Variants in EXOC4 observed in about 807,000 individuals in gnomAD.
EXOC4 encodes the protein exocyst complex component 4.
EXOC4 carries 71 observed loss-of-function variants against 107.2 expected under a neutral mutation model. That is an observed-to-expected ratio of 0.66 (90% CI 0.55 to 0.81). The LOEUF is 0.81. Ranked by LOEUF, EXOC4 falls within the 30% of genes least tolerant of loss-of-function variation. The pLI, the probability that EXOC4 is intolerant of heterozygous loss-of-function variation, is 0.00. For missense variants in EXOC4, 1,108 were observed against 1,189.6 expected, an observed-to-expected ratio of 0.93 and a Z score of 1.01; for synonymous variants, 456 against 441.2, an observed-to-expected ratio of 1.03 and a Z score of -0.42.
the EXOC4 span, among the ~76,000 whole-genome samples, chr7:134,098,540 T>A: frequency 2.0e-5 from 3 of 151,824 alleles, no homozygotes; most frequent in Non-Finnish European, 2.9e-5. Flanking sequence ...CTGCTCTGCA[T>A]GGGAAAGTTG....
chr7:133,761,227 TGGAAAAA>T (rs1259262591), intron 10 of EXOC4, among the ~76,000 whole-genome samples: 1 of 152,184 alleles, frequency 6.6e-6, no homozygotes, highest in East Asian at 1.9e-4. Context: ...GGAGCATTTT[TGGAAAAA>T]TCCCAACAAG....
At chr7:133,628,426 A>C (rs926384989) in intron 9 of EXOC4, among the ~76,000 whole-genome samples, 1 of 152,174 alleles carries the variant, frequency 6.6e-6, no homozygotes, top group Non-Finnish European at 1.5e-5. Context: ...CTAGTTTCTA[A>C]AGTGGAATAT....
chr7:133,634,097 G>T (rs1386899798), intron 10 of EXOC4, among the ~76,000 whole-genome samples: 1 of 152,110 alleles, frequency 6.6e-6, no homozygotes, highest in Non-Finnish European at 1.5e-5. Flanking sequence ...CGTTATGCTG[G>T]TTTATATATT....
At chr7:133,297,064 A>G (rs899645797) in intron 3 of EXOC4, among the ~76,000 whole-genome samples, 1 of 152,198 alleles carries the variant, frequency 6.6e-6, no homozygotes. Flanking sequence ...GTAGTTGGAA[A>G]CCAAGTATTT....
intron 5 of EXOC4, among the ~76,000 whole-genome samples, chr7:133,354,297 C>G (rs555164008): frequency 1.3e-5 from 2 of 152,074 alleles, no homozygotes; most frequent in South Asian, 4.2e-4. Context: ...CCCGGGTTCT[C>G]TGGGTTTTGA....
At chr7:133,806,016 A>G (rs1202190949) in intron 10 of EXOC4, among the ~76,000 whole-genome samples, 1 of 152,234 alleles carries the variant, frequency 6.6e-6, no homozygotes, top group Non-Finnish European at 1.5e-5. Context: ...GCATTAAACT[A>G]CTTGAACACT....
At chr7:133,478,893 T>A (rs1328934840) in intron 8 of EXOC4, 1 of 152,224 alleles carries the variant, frequency 6.6e-6, no homozygotes, top group Non-Finnish European at 1.5e-5. Flanking sequence ...TTGCCTTCTT[T>A]CTGGCTGTTA....
intron 9 of EXOC4, among the ~76,000 whole-genome samples, chr7:133,626,773 C>A (rs969324870): frequency 6.6e-6 from 1 of 152,030 alleles, no homozygotes; most frequent in East Asian, 1.9e-4. Flanking sequence ...GTGACTCTGA[C>A]GTTTTATTTT....
chr7:133,522,408 TTTAA>T (rs746103684), intron 9 of EXOC4, among the ~76,000 whole-genome samples: 13 of 152,154 alleles, frequency 8.5e-5, no homozygotes, highest in Non-Finnish European at 1.8e-4. Flanking sequence ...CAAATGCTCC[TTTAA>T]TTTATTTTAC....
At chr7:133,495,221 C>T (rs1363510251) in intron 9 of EXOC4, among the ~76,000 whole-genome samples, 1 of 151,782 alleles carries the variant, frequency 6.6e-6, no homozygotes, top group Non-Finnish European at 1.5e-5. Context: ...CATTGCACTC[C>T]AGCCTGGGTG....
intron 6 of EXOC4, among the ~76,000 whole-genome samples, chr7:133,357,289 T>G (rs1796044547): frequency 6.6e-6 from 1 of 152,190 alleles, no homozygotes; most frequent in Non-Finnish European, 1.5e-5. Flanking sequence ...ATCCACATAT[T>G]GCAGTTAGGA....
At chr7:133,529,879 AG>A (rs1448254896) in intron 9 of EXOC4, among the ~76,000 whole-genome samples, 1 of 152,168 alleles carries the variant, frequency 6.6e-6, no homozygotes, top group Non-Finnish European at 1.5e-5. Context: ...AGGGATGTTC[AG>A]GAATAGCAAC....
At chr7:133,887,998 C>G (rs1563044244) in intron 11 of EXOC4, among the ~76,000 whole-genome samples, 2 of 152,110 alleles carry the variant, frequency 1.3e-5, no homozygotes, top group East Asian at 3.9e-4. Flanking sequence ...AGTTGAACTT[C>G]TGGGGATTCT....
chr7:133,310,616 A>G (rs995885505), intron 4 of EXOC4, among the ~76,000 whole-genome samples: 7 of 152,232 alleles, frequency 4.6e-5, no homozygotes, highest in African/African-American at 1.7e-4. Context: ...ACCAACGGAG[A>G]TTAAGCAGCT....
chr7:134,004,284 G>A (rs1235432259), intron 15 of EXOC4, among the ~76,000 whole-genome samples: 23 of 152,058 alleles, frequency 1.5e-4, no homozygotes, highest in Admixed American at 1.3e-3. Flanking sequence ...TACTATGCAC[G>A]CCATTTGTGC....
intron 17 of EXOC4, among the ~76,000 whole-genome samples, chr7:134,017,576 G>A (rs899094793): frequency 6.6e-6 from 1 of 151,986 alleles, no homozygotes; most frequent in Admixed American, 6.6e-5. Flanking sequence ...TGACCATGCC[G>A]CTTTTTTCTG....
chr7:134,031,004 A>C (rs191512355), intron 17 of EXOC4, among the ~76,000 whole-genome samples: 1 of 152,302 alleles, frequency 6.6e-6, no homozygotes, highest in African/African-American at 2.4e-5. Context: ...AAATGAGAGA[A>C]GCCAGTCAAA....
intron 9 of EXOC4, among the ~76,000 whole-genome samples, chr7:133,496,381 G>C (rs964341713): frequency 2.0e-5 from 3 of 152,004 alleles, no homozygotes; most frequent in African/African-American, 7.2e-5. Context: ...TGCTGAGGCT[G>C]GTCTCAAGCT....
intron 11 of EXOC4, among the ~76,000 whole-genome samples, chr7:133,894,322 A>G (rs1223251773): frequency 9.7e-6 from 1 of 102,984 alleles, no homozygotes; most frequent in Non-Finnish European, 1.8e-5. Flanking sequence ...TTCTAGTTAT[A>G]CATTCTTCTA....
Sources: gnomAD v4.1 joint callset for allele counts (sites outside exome capture counted in the v4.1 genomes callset) on GRCh38, gnomAD v4.1.1 for gene constraint, MANE v1.5 for transcripts, NCBI Gene and HGNC (gene_info 2026-07-23, HGNC 2026-07-21) for gene names.